Variants in TTLL4 observed in about 807,000 individuals in gnomAD.
TTLL4 encodes the protein tubulin tyrosine ligase like 4.
Under a neutral mutation model 122.7 loss-of-function variants are expected in TTLL4, and 85 were observed. That is an observed-to-expected ratio of 0.69 (90% CI 0.58 to 0.83). The LOEUF (loss-of-function observed/expected upper bound fraction) is 0.83. Ranked by LOEUF, TTLL4 falls within the 40% of genes least tolerant of loss-of-function variation. TTLL4 has a pLI of 0.00. For missense variants in TTLL4, 1,363 were observed against 1,488.6 expected (o/e 0.92, Z 1.39); for synonymous variants, 553 against 563.0 (o/e 0.98, Z 0.25).
intron 8 of TTLL4, 79 bp downstream of exon 8, chr2:218,746,310 A>C: frequency 1.5e-6 from 2 of 1,311,194 alleles, no homozygotes; most frequent in South Asian, 2.4e-5. Flanking sequence ...AGTAGGGGGT[A>C]GGGGGCGGGA....
intron 1 of TTLL4, among the ~76,000 whole-genome samples, chr2:218,722,145 G>A (rs532827512): frequency 2.0e-5 from 3 of 152,024 alleles, no homozygotes; most frequent in Non-Finnish European, 4.4e-5. Flanking sequence ...AGCTGGGTGC[G>A]GTGGAACACA....
intron 1 of TTLL4, among the ~76,000 whole-genome samples, chr2:218,719,593 A>AG: frequency 6.6e-6 from 1 of 152,064 alleles, no homozygotes; most frequent in South Asian, 2.1e-4. Context: ...AAAAAGATTA[A>AG]GGGTCGACTA....
chr2:218,751,659 A>G (rs1305430160), intron 15 of TTLL4, 45 bp from the exon 16 acceptor site: 3 of 1,593,298 alleles, frequency 1.9e-6, no homozygotes, highest in Non-Finnish European at 2.6e-6. Flanking sequence ...CCAAATAAGA[A>G]GCTGCTGACC....
chr2:218,757,225 C>T (rs188106136), downstream of TTLL4, among the ~76,000 whole-genome samples: 5 of 152,274 alleles, frequency 3.3e-5, no homozygotes, highest in Admixed American at 3.3e-4. Context: ...CCCTCTCCTC[C>T]AGGAGGTGGA....
chr2:218,752,678 TG>T, intron 16 of TTLL4, 84 bp from the exon 17 acceptor site: 1 of 1,450,700 alleles, frequency 6.9e-7, no homozygotes, highest in Non-Finnish European at 9.6e-7. Flanking sequence ...CCCAGGGGTG[TG>T]CTCCCTGTTC....
chr2:218,738,443 G>T lies in TTLL4; in HGVS notation c.767G>T (p.Gly256Val), dbSNP rs1361825125. 1 of 1,614,066 alleles carries T rather than the reference G, an allele frequency of 6.2e-7. No homozygotes were observed. The highest frequency in any genetic ancestry group is 2.2e-5 in the East Asian group (1 of 44,896). Reference sequence around the variant, plus strand: ...CAGCCTGTCTCCTGGCATCATTCAGGGGGTACTGGAGACTGTGCACCGCAG... The same window carrying T: ...CAGCCTGTCTCCTGGCATCATTCAGTGGGTACTGGAGACTGTGCACCGCAG... ...KIQPVSWHHS[G>V]GTGDCAPQPV... The change falls in exon 3 of 20, where the codon GGG (glycine) becomes GTG (valine). Residue 256 changes from glycine to valine, a missense_variant. Gly to Val is a moderately radical substitution (Grantham distance 109). Coordinates refer to ENST00000392102, the MANE Select transcript of TTLL4 (RefSeq NM_014640.5).
Position 218,746,641 on chromosome 2 carries a change from A to T in TTLL4, c.1975-362A>T. On this transcript the variant is annotated intron_variant, in intron 8 of 19. Coordinates refer to ENST00000392102, the MANE Select transcript of TTLL4 (RefSeq NM_014640.5). ...CCATTCTCCCAAGCTGAATATGTGT[A>T]AAGAGGACTTCTGGTCTCACATTGG... 8.2e-6 allele frequency: 3 copies of T among 366,534 alleles called. No homozygotes were observed. In the Admixed American group the frequency reaches 1.3e-4, roughly 16 times the overall value. The allele number at this position is 366,534 out of a possible 1,614,324, so 22.7% of individuals were successfully genotyped here.
chr2:218,723,468 A>G (rs1190212806), intron 1 of TTLL4, among the ~76,000 whole-genome samples: 2 of 152,206 alleles, frequency 1.3e-5, no homozygotes, highest in Admixed American at 6.5e-5. Flanking sequence ...TTTATCTGCC[A>G]GGCTTGAGTA....
At chr2:218,739,972 T>C in intron 3 of TTLL4, 86 bp from the exon 4 acceptor site, 1 of 1,252,510 alleles carries the variant, frequency 8.0e-7, no homozygotes, top group Non-Finnish European at 1.1e-6. Context: ...AAGGGGCAAA[T>C]ACTGGGAGAT....
rs763893511 is a variant in TTLL4 at position 218,748,926 on chromosome 2, T to C, written c.2592T>C (p.Thr864=). ...WEKIKDVVVK[T]IISSEPYVTS... ...AGATAAAGGATGTTGTTGTCAAAACTATCATCTCGTGAGTCACATTGCCAA... is the reference window on the plus strand; with the variant it reads ...AGATAAAGGATGTTGTTGTCAAAACCATCATCTCGTGAGTCACATTGCCAA... Residue 864 remains threonine (T), a synonymous_variant, in exon 13 of 20, where the codon ACT becomes ACC. Transcript: ENST00000392102. 6.2e-7 allele frequency: 1 copy of C among 1,614,150 alleles called. No homozygotes were observed. The highest frequency in any genetic ancestry group is 8.5e-7 in the Non-Finnish European group (1 of 1,180,012).
At chr2:218,737,350 C>T (rs1393843762) in intron 2 of TTLL4, among the ~76,000 whole-genome samples, 2 of 152,068 alleles carry the variant, frequency 1.3e-5, no homozygotes, top group Non-Finnish European at 2.9e-5. Flanking sequence ...GGTGGCACCT[C>T]AGTGTTTTAG....
intron 1 of TTLL4, among the ~76,000 whole-genome samples, chr2:218,722,882 T>G (rs1205792676): frequency 6.6e-6 from 1 of 152,342 alleles, no homozygotes; most frequent in East Asian, 1.9e-4. Flanking sequence ...TAAGTGGAAT[T>G]GAAGATCTGC....
intron 4 of TTLL4, 54 bp from the exon 5 acceptor site, chr2:218,740,467 A>G (rs1942667861): frequency 1.3e-6 from 2 of 1,589,454 alleles, no homozygotes; most frequent in Middle Eastern, 1.7e-4. Context: ...AGGCTTGGTA[A>G]GTTTGTGCTG....
chr2:218,712,336 G>C (rs1442479078), intron 1 of TTLL4, among the ~76,000 whole-genome samples: 1 of 151,978 alleles, frequency 6.6e-6, no homozygotes, highest in Non-Finnish European at 1.5e-5. Flanking sequence ...GGATACACTT[G>C]CACGTCTAGC....
At chr2:218,759,031 G>A (rs1205959681), downstream of TTLL4, among the ~76,000 whole-genome samples, 1 of 146,022 alleles carries the variant, frequency 6.8e-6, no homozygotes, top group African/African-American at 2.6e-5. Context: ...ATCACCTGAG[G>A]TCGGGAGTTT....
In TTLL4 at chr2:218,748,228, G is replaced by T. The variant is rs1553611169; in HGVS notation, c.2501+1G>T. 6.2e-7 allele frequency: 1 copy of T among 1,614,076 alleles called. No individual in the cohort carries two copies. The highest frequency in any genetic ancestry group is 8.5e-7 in the Non-Finnish European group (1 of 1,179,988). ...AAATGGCTTGCCAGGGCCACAAATGGTACTGAGGGCAGAGTGTCCCAGTCC... is the reference window on the plus strand; with the variant it reads ...AAATGGCTTGCCAGGGCCACAAATGTTACTGAGGGCAGAGTGTCCCAGTCC... On this transcript the variant is annotated splice_donor_variant, in intron 12 of 19. Transcript: ENST00000392102. LOFTEE classifies it high-confidence loss of function.
At chr2:218,734,301 A>G (rs769898405) in intron 2 of TTLL4, among the ~76,000 whole-genome samples, 1 of 152,184 alleles carries the variant, frequency 6.6e-6, no homozygotes, top group Non-Finnish European at 1.5e-5. Context: ...CTAGTATTCA[A>G]GTTTGTTTCC....
In TTLL4 at chr2:218,751,908, TTC is replaced by T. The variant is rs1559375504; in HGVS notation, c.2976+104_2976+105del. On this transcript the variant is annotated intron_variant, in intron 16 of 19. Transcript: ENST00000392102. ...TTTTCTTTTTTTTTTTCTTTTCTTTTTCTTTTTTTTTTTTTTGAGATAGAGTT... is the reference window on the plus strand; with the variant it reads ...TTTTCTTTTTTTTTTTCTTTTCTTTTTTTTTTTTTTTTTTGAGATAGAGTT... 1.7e-3 allele frequency: 1,139 copies of T among 684,130 alleles called. 10 individuals carry two copies. The highest frequency in any genetic ancestry group is 2.2e-3 in the South Asian group (96 of 42,748). The allele number at this position is 684,130 out of a possible 1,614,324, so 42.4% of individuals were successfully genotyped here.
At chr2:218,723,165 GTTCTT>G (rs1942094370) in intron 1 of TTLL4, among the ~76,000 whole-genome samples, 1 of 152,174 alleles carries the variant, frequency 6.6e-6, no homozygotes, top group Non-Finnish European at 1.5e-5. Flanking sequence ...CAGATAACAT[GTTCTT>G]TTCTTTTGAA....
Sources: gnomAD v4.1 joint callset for allele counts (sites outside exome capture counted in the v4.1 genomes callset) on GRCh38, gnomAD v4.1.1 for gene constraint, MANE v1.5 for transcripts, NCBI Gene and HGNC (gene_info 2026-07-23, HGNC 2026-07-21) for gene names.